Variants in NRXN2 observed in about 807,000 individuals in gnomAD.
NRXN2 encodes neurexin-2-beta.
Under a neutral mutation model 128.8 loss-of-function variants are expected in NRXN2, and 29 were observed. The ratio of observed to expected loss-of-function variants is 0.23; its 90% CI spans 0.17 to 0.31. The LOEUF is 0.31. Ranked by LOEUF, NRXN2 falls within the 10% of genes least tolerant of loss-of-function variation. NRXN2 has a pLI of 1.00. For missense variants in NRXN2, 1,881 were observed against 2,452.6 expected, an observed-to-expected ratio of 0.77 and a Z score of 4.92; for synonymous variants, 1,098 against 1,075.2, an observed-to-expected ratio of 1.02 and a Z score of -0.41.
intron 12 of NRXN2, among the ~76,000 whole-genome samples, chr11:64,653,439 C>T (rs957961987): frequency 7.2e-5 from 11 of 152,128 alleles, no homozygotes; most frequent in African/African-American, 2.7e-4. Flanking sequence ...CCTTGTCTCT[C>T]CCTTCCTAGA....
chr11:64,648,348 G>T lies in NRXN2; in HGVS notation c.3284-10C>A. 1 of 1,614,126 alleles carries T rather than the reference G, an allele frequency of 6.2e-7. No individual in the cohort carries two copies. Among genetic ancestry groups the T allele is most frequent in the Non-Finnish European group, 8.5e-7 (1 of 1,180,008 alleles). On this transcript the variant is annotated splice_polypyrimidine_tract_variant and intron_variant, in intron 16 of 22. Coordinates refer to ENST00000265459, the MANE Select transcript of NRXN2 (RefSeq NM_015080.4). The surrounding 1 kb of genome is among the most constrained non-coding windows in gnomAD (Gnocchi z 4.1). ...CAGGTGGTGCTGGGGCCTGGAAGGG[G>T]CAGGAGAAAGGAACACCCCTGGCTC...
At chr11:64,627,205 C>A (rs1295025570) in intron 19 of NRXN2, among the ~76,000 whole-genome samples, 1 of 151,926 alleles carries the variant, frequency 6.6e-6, no homozygotes, top group Non-Finnish European at 1.5e-5. Context: ...CCCCCTTAAG[C>A]CCCTCCCGTT....
intron 20 of NRXN2, among the ~76,000 whole-genome samples, chr11:64,625,735 C>A (rs539590681): frequency 4.6e-5 from 7 of 152,122 alleles, no homozygotes; most frequent in Non-Finnish European, 8.8e-5. Flanking sequence ...TCACACCCAG[C>A]GACACCTCAC....
rs748980445 is a variant in NRXN2 at position 64,642,682 on chromosome 11, A to AGCAACAGCG, written c.3403+5528_3403+5536dup. Reference sequence around the variant, plus strand: ...CTCGGCCGCCCCCAGCAGCAACAGCAGCAACAGCGGCAACAGCGGCAGCAG... The same window carrying AGCAACAGCG: ...CTCGGCCGCCCCCAGCAGCAACAGCAGCAACAGCGGCAACAGCGGCAACAGCGGCAGCAG... On this transcript the variant is annotated intron_variant, in intron 17 of 22. Transcript: ENST00000265459. 198 of 1,555,206 alleles carry AGCAACAGCG rather than the reference A, an allele frequency of 1.3e-4. 1 individual carries two copies. The highest frequency in any genetic ancestry group is 5.9e-4 in the South Asian group (50 of 84,748).
intron 7 of NRXN2, among the ~76,000 whole-genome samples, chr11:64,669,370 A>G (rs2050325309): frequency 1.3e-5 from 2 of 152,118 alleles, no homozygotes; most frequent in African/African-American, 4.8e-5. Flanking sequence ...AGCTACATCA[A>G]CCCACTCTTC....
intron 2 of NRXN2, among the ~76,000 whole-genome samples, chr11:64,707,836 G>C (rs2135654650): frequency 6.6e-6 from 1 of 152,236 alleles, no homozygotes; most frequent in Admixed American, 6.5e-5. Flanking sequence ...GCTTACACCT[G>C]TAATCCCAAC....
chr11:64,699,425 CTTTTTTTTT>C (rs67776872), intron 2 of NRXN2, among the ~76,000 whole-genome samples: 5 of 92,124 alleles, frequency 5.4e-5, no homozygotes, highest in African/African-American at 1.7e-4. Flanking sequence ...TAATAGTTTT[CTTTTTTTTT>C]TTTTTTTTTT....
intron 17 of NRXN2, chr11:64,642,624 G>A (rs763098231): frequency 6.2e-7 from 1 of 1,609,848 alleles, no homozygotes; most frequent in Non-Finnish European, 8.5e-7. Context: ...GGACGTGGTG[G>A]GTGGTGCTGA....
rs753662936 is a variant in NRXN2, at chr11:64,661,159, A to T, written c.1799-20T>A. ...TGGAGCCTGGGAATCAAGGGAAGGCAGGATGGAGAAAAGCCACAGGCCAGA... is the reference window on the plus strand; with the variant it reads ...TGGAGCCTGGGAATCAAGGGAAGGCTGGATGGAGAAAAGCCACAGGCCAGA... On this transcript the variant is annotated intron_variant, in intron 9 of 22. Transcript: ENST00000265459. The T allele has an allele frequency of 2.5e-6, 4 of 1,613,120 alleles. No individual in the cohort carries two copies. The highest frequency in any genetic ancestry group is 1.3e-5 in the African/African-American group (1 of 74,942).
chr11:64,679,224 G>A (rs780185228), intron 6 of NRXN2, among the ~76,000 whole-genome samples: 4 of 152,200 alleles, frequency 2.6e-5, no homozygotes, highest in South Asian at 2.1e-4. Flanking sequence ...GGCATTGGAG[G>A]TAAAAATCCA....
intron 6 of NRXN2, among the ~76,000 whole-genome samples, chr11:64,678,021 A>G (rs1456110886): frequency 6.6e-6 from 1 of 152,156 alleles, no homozygotes; most frequent in African/African-American, 2.4e-5. Context: ...GGGGTCATGG[A>G]TGCCTGCTTT....
chr11:64,654,535 G>A (rs773243090), intron 11 of NRXN2, among the ~76,000 whole-genome samples: 16 of 152,200 alleles, frequency 1.1e-4, no homozygotes, highest in Non-Finnish European at 1.9e-4. Flanking sequence ...CCCCAGTCCG[G>A]TCCTGGCATT....
At chr11:64,702,188 G>GC (rs2055555108) in intron 2 of NRXN2, among the ~76,000 whole-genome samples, 1 of 150,680 alleles carries the variant, frequency 6.6e-6, no homozygotes, top group East Asian at 2.0e-4. Flanking sequence ...GGAGGGGTCA[G>GC]CCCCCCGCCG....
intron 22 of NRXN2, among the ~76,000 whole-genome samples, chr11:64,614,659 G>A (rs1286070908): frequency 6.6e-6 from 1 of 152,246 alleles, no homozygotes; most frequent in Non-Finnish European, 1.5e-5. Flanking sequence ...GATTTCCTCA[G>A]CGCTAGCAGC....
At chr11:64,662,678 A>C (rs376955108) in intron 9 of NRXN2, among the ~76,000 whole-genome samples, 8 of 151,954 alleles carry the variant, frequency 5.3e-5, no homozygotes, top group African/African-American at 1.9e-4. Context: ...GATACTCAGG[A>C]GGCTAAGGCA....
intron 1 of NRXN2, among the ~76,000 whole-genome samples, chr11:64,718,143 C>T (rs2057346519): frequency 6.6e-6 from 1 of 152,194 alleles, no homozygotes; most frequent in African/African-American, 2.4e-5. Context: ...CTGACCTAGA[C>T]CTGGGCCCTC....
At chr11:64,647,632 C>A (rs1370286562) in intron 17 of NRXN2, among the ~76,000 whole-genome samples, 1 of 152,212 alleles carries the variant, frequency 6.6e-6, no homozygotes, top group Non-Finnish European at 1.5e-5. Context: ...AGGGGACAAA[C>A]TGCAGCCGGG....
At chr11:64,678,050 C>T (rs1251401801) in intron 6 of NRXN2, among the ~76,000 whole-genome samples, 6 of 152,158 alleles carry the variant, frequency 3.9e-5, no homozygotes, top group Admixed American at 1.3e-4. Flanking sequence ...ATGGAGAACA[C>T]GCAAATCGAT....
chr11:64,635,799 G>A lies in NRXN2; in HGVS notation c.3404-347C>T, dbSNP rs774817337. Among the ~76,000 whole-genome samples, 1 of 152,158 alleles carries A rather than the reference G, an allele frequency of 6.6e-6. No individual in the cohort carries two copies. Among genetic ancestry groups the A allele is most frequent in the African/African-American group, 2.4e-5 (1 of 41,428 alleles). On this transcript the variant is annotated intron_variant, in intron 17 of 22. Coordinates refer to ENST00000265459, the MANE Select transcript of NRXN2 (RefSeq NM_015080.4). The surrounding 1 kb of genome is among the most constrained non-coding windows in gnomAD (Gnocchi z 4.8). ...GTGCTGTGGGCAGGAAAGACCCAGG[G>A]GGCCCAGTCCTGACTAGCTCCACTT...
Sources: allele counts gnomAD v4.1 joint callset (sites outside exome capture counted in the v4.1 genomes callset), GRCh38; gene constraint gnomAD v4.1.1; non-coding constraint Gnocchi (gnomAD v3.1); transcripts MANE v1.5; gene names NCBI Gene and HGNC (gene_info 2026-07-23, HGNC 2026-07-21).